Variants in GRM8 observed in about 807,000 individuals in gnomAD.
The protein encoded by GRM8 is glutamate metabotropic receptor 8, also known as metabotropic glutamate receptor 8.
A neutral mutation model predicts 87.2 loss-of-function variants in GRM8; 47 were observed. The ratio of observed to expected loss-of-function variants is 0.54; its 90% confidence interval spans 0.43 to 0.69. The LOEUF is 0.69. GRM8 is among the 30% of genes least tolerant of loss of function. GRM8 has a pLI of 0.00. For missense variants in GRM8, 1,019 were observed against 1,139.2 expected (o/e 0.89, Z 1.52); for synonymous variants, 396 against 404.5 (o/e 0.98, Z 0.25).
intron 2 of GRM8, among the ~76,000 whole-genome samples, chr7:127,209,572 G>A (rs1046484488): frequency 4.6e-5 from 7 of 152,120 alleles, no homozygotes; most frequent in African/African-American, 1.4e-4. Flanking sequence ...GAACCAGGGG[G>A]ATCCCAGCAT....
chr7:126,819,305 C>T (rs185597847), intron 6 of GRM8, among the ~76,000 whole-genome samples: 55 of 150,768 alleles, frequency 3.6e-4, no homozygotes, highest in Admixed American at 2.9e-3. Context: ...CACGTGCACG[C>T]GCAAACTCCA....
At chr7:126,477,635 GAAAA>G (rs1324088153) in intron 9 of GRM8, among the ~76,000 whole-genome samples, 118 of 131,272 alleles carry the variant, frequency 9.0e-4, no homozygotes, top group Admixed American at 1.2e-3. Flanking sequence ...AAGAAAGAAA[GAAAA>G]AACGAAAGAG....
chr7:126,658,108 G>A (rs1356290342), intron 7 of GRM8, among the ~76,000 whole-genome samples: 4 of 152,190 alleles, frequency 2.6e-5, no homozygotes, highest in Admixed American at 2.0e-4. Flanking sequence ...AGGGGAAACA[G>A]GAAAAATAAA....
rs182951186 is a variant in GRM8, at chr7:126,723,704, A to C, written c.1357+46161T>G. On this transcript the variant is annotated intron_variant, in intron 7 of 10. Coordinates refer to ENST00000339582, the MANE Select transcript of GRM8 (RefSeq NM_000845.3). ...AAGTGTAGTTATACTGAAAACAATG[A>C]TCTGTAGAGAACTTTGAAACTCCAA... is the stretch of plus-strand genomic sequence containing the variant. 4.3e-3 allele frequency among the ~76,000 whole-genome samples: 655 copies of C among 152,246 alleles called. 3 individuals are homozygous for C. The highest frequency in any genetic ancestry group is 0.015 in the African/African-American group (614 of 41,546).
intron 9 of GRM8, among the ~76,000 whole-genome samples, chr7:126,528,435 GC>G (rs1226785614): frequency 6.6e-6 from 1 of 152,094 alleles, no homozygotes; most frequent in African/African-American, 2.4e-5. Flanking sequence ...AAAATGGTGA[GC>G]AAAATCAAAT....
intron 3 of GRM8, among the ~76,000 whole-genome samples, chr7:126,968,283 G>C (rs1385238887): frequency 2.0e-5 from 3 of 152,148 alleles, no homozygotes; most frequent in African/African-American, 7.2e-5. Flanking sequence ...TTCTATGCCA[G>C]TCATTATCTA....
At chr7:127,026,822 G>A (rs947995948) in intron 3 of GRM8, among the ~76,000 whole-genome samples, 5 of 152,096 alleles carry the variant, frequency 3.3e-5, no homozygotes, top group Non-Finnish European at 7.4e-5. Context: ...TGCTTCTGCT[G>A]TGCAGAAGCT....
intron 3 of GRM8, among the ~76,000 whole-genome samples, chr7:127,034,849 C>T (rs759639394): frequency 6.6e-6 from 1 of 152,004 alleles, no homozygotes; most frequent in Non-Finnish European, 1.5e-5. Flanking sequence ...CTAAAAATAG[C>T]ACTACTGTAG....
At chr7:126,965,729 T>C (rs994357722) in intron 3 of GRM8, among the ~76,000 whole-genome samples, 13 of 152,084 alleles carry the variant, frequency 8.5e-5, no homozygotes, top group African/African-American at 3.1e-4. Flanking sequence ...TAAAGTTCAG[T>C]ATACTCCTCC....
At chr7:126,805,733 T>C (rs1472298744) in intron 6 of GRM8, among the ~76,000 whole-genome samples, 1 of 152,224 alleles carries the variant, frequency 6.6e-6, no homozygotes, top group Non-Finnish European at 1.5e-5. Flanking sequence ...TTGTTTGACA[T>C]CCTTGGCAGG....
At chr7:127,142,791 T>C (rs188992034) in intron 2 of GRM8, among the ~76,000 whole-genome samples, 32 of 152,266 alleles carry the variant, frequency 2.1e-4, no homozygotes, top group Middle Eastern at 3.4e-3. Flanking sequence ...GCATTTACCA[T>C]GTGCCAAGTA....
At chr7:126,735,286 G>A (rs1814080079) in intron 7 of GRM8, among the ~76,000 whole-genome samples, 2 of 152,014 alleles carry the variant, frequency 1.3e-5, no homozygotes, top group Admixed American at 1.3e-4. Context: ...AATAGGCAAA[G>A]TAATGAACAG....
intron 6 of GRM8, among the ~76,000 whole-genome samples, chr7:126,831,171 G>A (rs973918795): frequency 6.6e-6 from 1 of 152,234 alleles, no homozygotes; most frequent in Admixed American, 6.5e-5. Context: ...ACCCACTTGA[G>A]AAGGCAGTCT....
intron 9 of GRM8, among the ~76,000 whole-genome samples, chr7:126,469,508 C>T (rs1423041475): frequency 6.6e-6 from 1 of 152,144 alleles, no homozygotes; most frequent in African/African-American, 2.4e-5. Flanking sequence ...ATGGGAGGGA[C>T]TCAGTGGGAG....
chr7:126,757,342 T>TG (rs1219341335), intron 7 of GRM8, among the ~76,000 whole-genome samples: 3 of 152,012 alleles, frequency 2.0e-5, no homozygotes, highest in Admixed American at 1.3e-4. Context: ...GCTGAGGATT[T>TG]GGGGGTTTGT....
At chr7:126,898,101 C>T (rs1365964721) in intron 6 of GRM8, among the ~76,000 whole-genome samples, 1 of 152,250 alleles carries the variant, frequency 6.6e-6, no homozygotes, top group East Asian at 1.9e-4. Context: ...CTTAACCTAC[C>T]AATGATGTTC....
chr7:126,464,209 C>T (rs1401184195), intron 9 of GRM8, among the ~76,000 whole-genome samples: 1 of 151,586 alleles, frequency 6.6e-6, no homozygotes. Context: ...TACTGTGTGG[C>T]TTGCCATCTT....
At chr7:127,025,728 A>T (rs1006751355) in intron 3 of GRM8, among the ~76,000 whole-genome samples, 2 of 152,028 alleles carry the variant, frequency 1.3e-5, no homozygotes, top group Non-Finnish European at 2.9e-5. Context: ...GCTGGCGAAA[A>T]GCAGACTCTA....
intron 7 of GRM8, among the ~76,000 whole-genome samples, chr7:126,763,184 T>C (rs1817778097): frequency 6.6e-6 from 1 of 151,736 alleles, no homozygotes; most frequent in Non-Finnish European, 1.5e-5. Flanking sequence ...TGTTACATTT[T>C]TAAAGAATCA....
Sources: allele counts gnomAD v4.1 joint callset (sites outside exome capture counted in the v4.1 genomes callset), GRCh38; gene constraint gnomAD v4.1.1; transcripts MANE v1.5; gene names NCBI Gene and HGNC (gene_info 2026-07-23, HGNC 2026-07-21).